TFPI: variants seen among roughly 807,000 people sequenced by gnomAD.
TFPI encodes anti-convertin.
A neutral mutation model predicts 34.6 loss-of-function variants in TFPI; 15 were observed. The observed-to-expected ratio is 0.43, with a 90% CI of 0.29 to 0.67. The LOEUF is 0.67. TFPI is among the 30% of genes least tolerant of loss of function. The probability of loss-of-function intolerance (pLI) is 0.15; values close to 1 mark genes in which losing one functional copy is unlikely to be tolerated. For missense variants in TFPI, 301 were observed against 364.0 expected (o/e 0.83, Z 1.41); for synonymous variants, 105 against 120.1 (o/e 0.87, Z 0.82).
chr2:187,467,139 C>G (rs570165626), intron 7 of TFPI, 97 bp from the exon 8 acceptor site: 1 of 788,538 alleles, frequency 1.3e-6, no homozygotes, highest in Admixed American at 3.5e-5. Context: ...TATTTAAATC[C>G]AAAAGATGTT....
chr2:187,522,397 C>T (rs1687427234), intron 1 of TFPI, among the ~76,000 whole-genome samples: 2 of 151,878 alleles, frequency 1.3e-5, no homozygotes, highest in Admixed American at 6.6e-5. Context: ...TTGCTAGGGC[C>T]TGGAGAGTGG....
chr2:187,490,540 C>G (rs1165082795), intron 3 of TFPI, among the ~76,000 whole-genome samples: 1 of 151,494 alleles, frequency 6.6e-6, no homozygotes, highest in Non-Finnish European at 1.5e-5. Flanking sequence ...ACTAATCATT[C>G]TTATGATTAG....
intron 6 of TFPI, among the ~76,000 whole-genome samples, chr2:187,477,766 A>C (rs1439749785): frequency 6.6e-6 from 1 of 152,228 alleles, no homozygotes; most frequent in African/African-American, 2.4e-5. Context: ...AAATCTTTTA[A>C]AAATGTATTT....
chr2:187,545,508 T>A (rs753420356), intron 1 of TFPI, among the ~76,000 whole-genome samples: 4 of 152,050 alleles, frequency 2.6e-5, no homozygotes, highest in Non-Finnish European at 4.4e-5. Context: ...CACCCCAGAG[T>A]CTTACATTTA....
In TFPI at chr2:187,540,871, A is replaced by C. The variant is rs1474219812; in HGVS notation, c.-3+13329T>G. 2.8e-5 allele frequency among the ~76,000 whole-genome samples: 4 copies of C among 142,220 alleles called. No individual in the cohort carries two copies. The East Asian group carries it at 8.0e-4, about 28-fold the overall frequency. 93.3% of individuals were successfully genotyped at this position (142,220 alleles called of 152,430 possible). On this transcript the variant is annotated intron_variant, in intron 1 of 7. Coordinates refer to ENST00000233156, the MANE Select transcript of TFPI (RefSeq NM_006287.6). ...GTGTCACTGCACTCCAGCCTGGGTG[A>C]CAGAGTGAGACTCCATCTCAAAAAA... is the stretch of plus-strand genomic sequence containing the variant.
At chr2:187,491,631 C>G (rs932505554) in intron 3 of TFPI, among the ~76,000 whole-genome samples, 4 of 152,006 alleles carry the variant, frequency 2.6e-5, no homozygotes, top group African/African-American at 9.7e-5. Context: ...GATTTTATAT[C>G]TTTGCTACTG....
At chr2:187,520,982 T>C (rs1231969032) in intron 1 of TFPI, among the ~76,000 whole-genome samples, 2 of 151,978 alleles carry the variant, frequency 1.3e-5, no homozygotes, top group Non-Finnish European at 2.9e-5. Context: ...GATGCCCCAG[T>C]CTCATATTGT....
intron 6 of TFPI, among the ~76,000 whole-genome samples, chr2:187,471,711 A>G (rs1692044839): frequency 6.6e-6 from 1 of 151,750 alleles, no homozygotes; most frequent in African/African-American, 2.4e-5. Context: ...CTGAACTGTA[A>G]GATGGTGCTC....
rs907168048 is a variant in TFPI at position 187,484,932 on chromosome 2, A to T, written c.414T>A (p.Ile138=). The part of the protein sequence containing the change: ...EEDPGICRGY[I]TRYFYNNQTK... ...TCTGATTGTTATAAAAATACCTGGT[A>T]ATATAACCTCGACATATTCCAGGAT... The change falls in exon 5 of 8, where the codon ATT becomes ATA. Residue 138 remains isoleucine (I), a synonymous_variant. Coordinates refer to ENST00000233156, the MANE Select transcript of TFPI (RefSeq NM_006287.6). 1.7e-5 allele frequency: 27 copies of T among 1,577,762 alleles called. No individual in the cohort carries two copies. The highest frequency in any genetic ancestry group is 2.2e-5 in the Non-Finnish European group (26 of 1,165,896).
rs182400108 is a variant in TFPI at position 187,506,632 on chromosome 2, T to C, written c.-2-2862A>G. Among the ~76,000 whole-genome samples the C allele has an allele frequency of 2.0e-5, 3 of 152,268 alleles. No individual in the cohort carries two copies. In the East Asian group the frequency reaches 5.8e-4, roughly 29 times the overall value. ...CTCAGATTTTTCTTATTTTTGATGA[T>C]CTTGACAGTTTTGAATAATACTGGT... On this transcript the variant is annotated intron_variant, in intron 1 of 7. Transcript: ENST00000233156.
chr2:187,537,626 C>A (rs952775335), intron 1 of TFPI, among the ~76,000 whole-genome samples: 8 of 152,152 alleles, frequency 5.3e-5, no homozygotes, highest in Non-Finnish European at 1.2e-4. Context: ...GTCCTAAAAC[C>A]ATAAAACCCT....
intron 1 of TFPI, among the ~76,000 whole-genome samples, chr2:187,550,155 A>G (rs1689043262): frequency 6.6e-6 from 1 of 152,128 alleles, no homozygotes; most frequent in South Asian, 2.1e-4. Context: ...ACACAGAAAG[A>G]AAGATCCAGA....
chr2:187,526,291 T>A (rs999909457), intron 1 of TFPI, among the ~76,000 whole-genome samples: 1 of 152,236 alleles, frequency 6.6e-6, no homozygotes, highest in South Asian at 2.1e-4. Flanking sequence ...AGCTTAGATT[T>A]GAAAGACTAC....
At chr2:187,517,280 T>G (rs374151877) in intron 1 of TFPI, 6 of 152,202 alleles carry the variant, frequency 3.9e-5, no homozygotes, top group South Asian at 4.1e-4. Context: ...TTGTGGGCAT[T>G]TAGTGCTATA....
intron 2 of TFPI, among the ~76,000 whole-genome samples, chr2:187,503,202 G>A (rs149093684): frequency 2.4e-4 from 37 of 151,926 alleles, no homozygotes; most frequent in African/African-American, 8.9e-4. Flanking sequence ...AGTCTCAACT[G>A]GGAAGTTTTG....
chr2:187,529,158 A>C (rs1022577753), intron 1 of TFPI, among the ~76,000 whole-genome samples: 1 of 152,234 alleles, frequency 6.6e-6, no homozygotes, highest in African/African-American at 2.4e-5. Context: ...GAAGTTTGGT[A>C]AGAATGCTGC....
At chr2:187,538,385 C>A (rs1271139374) in intron 1 of TFPI, among the ~76,000 whole-genome samples, 3 of 152,174 alleles carry the variant, frequency 2.0e-5, no homozygotes, top group African/African-American at 7.2e-5. Context: ...CACATATACA[C>A]CATGGAATAC....
intron 1 of TFPI, among the ~76,000 whole-genome samples, chr2:187,531,010 C>T (rs1253511215): frequency 6.6e-6 from 1 of 152,120 alleles, no homozygotes; most frequent in Non-Finnish European, 1.5e-5. Context: ...TTTTTCCTTT[C>T]TTCCACCTTT....
intron 2 of TFPI, 100 bp from the exon 3 acceptor site, chr2:187,497,178 A>T: frequency 9.6e-7 from 1 of 1,042,626 alleles, no homozygotes; most frequent in Non-Finnish European, 1.4e-6. Flanking sequence ...AAGGAAAAGT[A>T]CAATAAAACA....
Sources: gnomAD v4.1 joint callset for allele counts (sites outside exome capture counted in the v4.1 genomes callset) on GRCh38, gnomAD v4.1.1 for gene constraint, MANE v1.5 for transcripts, NCBI Gene and HGNC (gene_info 2026-07-23, HGNC 2026-07-21) for gene names.